Variants in BRAF observed in about 807,000 individuals in gnomAD.
BRAF encodes B-Raf proto-oncogene, serine/threonine kinase.
A neutral mutation model predicts 104.6 loss-of-function variants in BRAF; 16 were observed. The ratio of observed to expected loss-of-function variants is 0.15; its 90% CI spans 0.10 to 0.23. The LOEUF (loss-of-function observed/expected upper bound fraction) is 0.23. Ranked by LOEUF, BRAF falls within the 10% of genes least tolerant of loss-of-function variation. The pLI, the probability that BRAF is intolerant of heterozygous loss-of-function variation, is 1.00. For synonymous variants in BRAF, 310 were observed against 341.6 expected, an observed-to-expected ratio of 0.91 and a Z score of 1.02; for missense variants, 541 against 937.3, an observed-to-expected ratio of 0.58 and a Z score of 5.52.
chr7:140,919,235 C>T (rs961110506), intron 1 of BRAF, among the ~76,000 whole-genome samples: 13 of 152,080 alleles, frequency 8.5e-5, no homozygotes, highest in Admixed American at 6.5e-4. Flanking sequence ...TGAAAACCAC[C>T]GTCCCACAGT....
At position 140,719,633 on chromosome 7, in the gene BRAF, A is replaced by G. The variant is rs904434618; in HGVS notation, c.*6861T>C. On this transcript the variant is annotated 3_prime_UTR_variant, in exon 20 of 20. Coordinates refer to ENST00000644969, the MANE Select transcript of BRAF (RefSeq NM_001374258.1). ...TGGGGGAGAATTAAAAAAAATAATAAAAGATTCAAGCAAACATTGAGAATA... is the reference window on the plus strand; with the variant it reads ...TGGGGGAGAATTAAAAAAAATAATAGAAGATTCAAGCAAACATTGAGAATA... The G allele has an allele frequency of 4.7e-6, 5 of 1,063,232 alleles. No individual in the cohort carries two copies. The highest frequency in any genetic ancestry group is 3.3e-5 in the African/African-American group (2 of 60,984). 65.9% of individuals were successfully genotyped at this position (1,063,232 alleles called of 1,614,324 possible). A position where few individuals can be genotyped will look rare whatever the true frequency, so the allele number is the denominator to read the frequency against.
chr7:140,827,983 A>C (rs1333794287), intron 3 of BRAF, among the ~76,000 whole-genome samples: 1 of 151,444 alleles, frequency 6.6e-6, no homozygotes, highest in Non-Finnish European at 1.5e-5. Context: ...CGCAACCTCC[A>C]CCTCCCAGGT....
chr7:140,902,292 C>T (rs796526948), intron 1 of BRAF, among the ~76,000 whole-genome samples: 6 of 152,266 alleles, frequency 3.9e-5, no homozygotes, highest in African/African-American at 1.4e-4. Flanking sequence ...TGGGGTGCCA[C>T]GAACCACACC....
intron 16 of BRAF, among the ~76,000 whole-genome samples, chr7:140,750,677 T>C (rs970900827): frequency 6.6e-6 from 1 of 152,198 alleles, no homozygotes; most frequent in Non-Finnish European, 1.5e-5. Context: ...ATAAACCACA[T>C]ATAACTGTGA....
intron 14 of BRAF, among the ~76,000 whole-genome samples, chr7:140,758,695 T>A (rs1798406294): frequency 6.6e-6 from 1 of 152,214 alleles, no homozygotes; most frequent in Non-Finnish European, 1.5e-5. Context: ...GCTCAAGCCA[T>A]CCTCCCACCT....
At chr7:140,923,959 G>A (rs1445968850) in intron 1 of BRAF, among the ~76,000 whole-genome samples, 1 of 152,186 alleles carries the variant, frequency 6.6e-6, no homozygotes, top group Non-Finnish European at 1.5e-5. Flanking sequence ...AAAGGCATCG[G>A]AAACTGCGAT....
At chr7:140,859,810 C>A (rs1047232508) in intron 1 of BRAF, among the ~76,000 whole-genome samples, 5 of 151,756 alleles carry the variant, frequency 3.3e-5, no homozygotes, top group Non-Finnish European at 7.4e-5. Flanking sequence ...GCCTCAGCCT[C>A]CCAAGTAGCT....
intron 1 of BRAF, among the ~76,000 whole-genome samples, chr7:140,887,389 A>T (rs573281260): frequency 6.6e-6 from 1 of 152,342 alleles, no homozygotes; most frequent in Non-Finnish European, 1.5e-5. Context: ...CTAATCTTTG[A>T]TATAGGACCA....
intron 1 of BRAF, among the ~76,000 whole-genome samples, chr7:140,897,620 G>A (rs916899500): frequency 3.4e-5 from 5 of 148,386 alleles, no homozygotes; most frequent in African/African-American, 7.5e-5. Context: ...TCAGGCTATC[G>A]AGTATCTGGG....
chr7:140,789,884 C>T (rs1325975810), intron 8 of BRAF, among the ~76,000 whole-genome samples: 1 of 152,220 alleles, frequency 6.6e-6, no homozygotes, highest in African/African-American at 2.4e-5. Context: ...GCGCCTGCCA[C>T]CATGCCCGGC....
At chr7:140,798,555 C>A (rs906787732) in intron 7 of BRAF, among the ~76,000 whole-genome samples, 4 of 147,382 alleles carry the variant, frequency 2.7e-5, no homozygotes, top group South Asian at 2.2e-4. Context: ...CCACCGCGCC[C>A]GGCCTTTTTT....
intron 18 of BRAF, among the ~76,000 whole-genome samples, 176 bp from the exon 18 acceptor site, chr7:140,734,946 A>T (rs758953600): frequency 5.3e-5 from 8 of 152,130 alleles, no homozygotes; most frequent in Non-Finnish European, 1.0e-4. Context: ...GCATTGTCAT[A>T]AATGCTTGGG....
chr7:140,805,285 TA>T (rs1172163007), intron 5 of BRAF, among the ~76,000 whole-genome samples: 2 of 152,210 alleles, frequency 1.3e-5, no homozygotes, highest in African/African-American at 4.8e-5. Context: ...CTAGGGGATA[TA>T]AAACAGGTAA....
chr7:140,913,263 C>A (rs1359796176), intron 1 of BRAF, among the ~76,000 whole-genome samples: 1 of 151,974 alleles, frequency 6.6e-6, no homozygotes, highest in African/African-American at 2.4e-5. Context: ...TACACACACA[C>A]CCCTCCACTG....
Position 140,823,358 on chromosome 7 carries a change from C to T in BRAF, c.504+11251G>A, listed in dbSNP as rs140654697. Among the ~76,000 whole-genome samples, 494 of 152,230 alleles carry T rather than the reference C, an allele frequency of 3.2e-3. 3 individuals carry two copies. The highest frequency in any genetic ancestry group is 0.011 in the African/African-American group (472 of 41,538). On this transcript the variant is annotated intron_variant, in intron 3 of 19. Transcript: ENST00000644969. Reference sequence around the variant, plus strand: ...CCAGCCCCTGGCAAGCACCATTCTACTCTGTGTCTCTGTGAGTCTGAACAC... The same window carrying T: ...CCAGCCCCTGGCAAGCACCATTCTATTCTGTGTCTCTGTGAGTCTGAACAC...
At chr7:140,779,906 T>C (rs1416122458) in intron 12 of BRAF, 1 of 152,234 alleles carries the variant, frequency 6.6e-6, no homozygotes, top group East Asian at 1.9e-4. Flanking sequence ...CACTCCAGCC[T>C]GGGCGACAGA....
At chr7:140,758,561 C>T (rs1307598450) in intron 14 of BRAF, among the ~76,000 whole-genome samples, 1 of 151,812 alleles carries the variant, frequency 6.6e-6, no homozygotes, top group East Asian at 1.9e-4. Flanking sequence ...CTCAAGAGAT[C>T]CACCCAACTC....
At chr7:140,726,688 C>CAT (rs1795616068) in intron 19 of BRAF, among the ~76,000 whole-genome samples, 2 of 152,182 alleles carry the variant, frequency 1.3e-5, no homozygotes, top group African/African-American at 4.8e-5. Context: ...AAGAACACAA[C>CAT]ATATATAGTA....
rs562682053 is a variant in BRAF at position 140,761,993 on chromosome 7, T to C, written c.1815-7760A>G. 3.3e-5 allele frequency among the ~76,000 whole-genome samples: 5 copies of C among 152,170 alleles called. No homozygotes were observed. In the East Asian group the frequency reaches 5.8e-4, roughly 18 times the overall value. ...TAGACAGATCAACGCGACAGAAAGT[T>C]AATAAGGACACCCAGGAATTGAACT... On this transcript the variant is annotated intron_variant, in intron 14 of 19. Coordinates refer to ENST00000644969, the MANE Select transcript of BRAF (RefSeq NM_001374258.1).
Sources: allele counts gnomAD v4.1 joint callset (sites outside exome capture counted in the v4.1 genomes callset), GRCh38; gene constraint gnomAD v4.1.1; transcripts MANE v1.5; gene names NCBI Gene and HGNC (gene_info 2026-07-23, HGNC 2026-07-21).